CADM2: variants seen among roughly 807,000 people sequenced by gnomAD.
CADM2 encodes immunoglobulin superfamily member 4D.
CADM2 carries 12 observed loss-of-function variants against 49.8 expected under a neutral mutation model. The observed-to-expected ratio is 0.24, with a 90% CI of 0.15 to 0.39. CADM2 has a LOEUF of 0.39. Among genes scored for constraint, CADM2 ranks in the 10% least tolerant of loss-of-function variants. CADM2 has a pLI of 1.00. For synonymous variants in CADM2, 214 were observed against 175.4 expected (o/e 1.22, Z -1.74); for missense variants, 378 against 492.3 (o/e 0.77, Z 2.20).
intron 1 of CADM2, among the ~76,000 whole-genome samples, chr3:85,428,317 A>G (rs2036506361): frequency 6.8e-6 from 1 of 147,036 alleles, no homozygotes; most frequent in Non-Finnish European, 1.5e-5. Context: ...AATTGAATAT[A>G]TATGATATAT....
chr3:85,348,232 G>T (rs998889887), intron 1 of CADM2, among the ~76,000 whole-genome samples: 7 of 152,278 alleles, frequency 4.6e-5, no homozygotes, highest in African/African-American at 1.4e-4. Context: ...CAGGTGGGAA[G>T]AATTCTCTCT....
At chr3:85,291,904 C>A (rs1302397728) in intron 1 of CADM2, among the ~76,000 whole-genome samples, 4 of 151,146 alleles carry the variant, frequency 2.6e-5, no homozygotes, top group Non-Finnish European at 5.9e-5. Context: ...AACCAGCTAA[C>A]ATCATAATGA....
intron 1 of CADM2, among the ~76,000 whole-genome samples, chr3:85,565,798 A>C (rs1307939103): frequency 3.3e-5 from 5 of 152,098 alleles, no homozygotes; most frequent in Non-Finnish European, 7.4e-5. Flanking sequence ...GTAGTACAGA[A>C]AATTAAATGT....
chr3:86,026,297 A>G (rs1277620974), intron 8 of CADM2, among the ~76,000 whole-genome samples: 1 of 152,034 alleles, frequency 6.6e-6, no homozygotes. Context: ...AGAGAGTGTC[A>G]GTGTGAGTCA....
intron 5 of CADM2, among the ~76,000 whole-genome samples, chr3:85,900,843 CT>C (rs1281880737): frequency 6.6e-6 from 1 of 152,050 alleles, no homozygotes; most frequent in Non-Finnish European, 1.5e-5. Flanking sequence ...AGGAAAATAC[CT>C]TTTTCATTCT....
intron 7 of CADM2, among the ~76,000 whole-genome samples, chr3:85,952,789 T>G (rs1364693044): frequency 6.6e-6 from 1 of 150,846 alleles, no homozygotes; most frequent in Admixed American, 6.6e-5. Context: ...TTCTCTCCCT[T>G]ATGTAGGAAC....
chr3:85,998,144 G>T (rs921366781), intron 8 of CADM2, among the ~76,000 whole-genome samples: 2 of 152,022 alleles, frequency 1.3e-5, no homozygotes, highest in Non-Finnish European at 1.5e-5. Context: ...TAAAATGCTG[G>T]GGTAGCAGGG....
intron 1 of CADM2, among the ~76,000 whole-genome samples, chr3:85,085,828 C>T (rs1391576755): frequency 2.0e-5 from 3 of 152,132 alleles, no homozygotes; most frequent in Non-Finnish European, 4.4e-5. Context: ...TTCTAATTCT[C>T]TCTTATGCCT....
chr3:85,475,971 T>C (rs1460337719), intron 1 of CADM2, among the ~76,000 whole-genome samples: 4 of 151,838 alleles, frequency 2.6e-5, no homozygotes, highest in African/African-American at 9.7e-5. Flanking sequence ...TAAAAAGAAA[T>C]AAAAACATTG....
At chr3:85,336,601 TA>T (rs2045084631) in intron 1 of CADM2, among the ~76,000 whole-genome samples, 1 of 151,116 alleles carries the variant, frequency 6.6e-6, no homozygotes, top group Non-Finnish European at 1.5e-5. Flanking sequence ...CAATTTGGAC[TA>T]ATAGTCAACT....
chr3:85,982,143 C>G (rs545304497), intron 8 of CADM2, among the ~76,000 whole-genome samples: 5 of 151,698 alleles, frequency 3.3e-5, no homozygotes, highest in African/African-American at 7.2e-5. Flanking sequence ...GTTAGCCACA[C>G]ACATGTCTGC....
At chr3:85,043,697 A>G (rs1040460511) in intron 1 of CADM2, among the ~76,000 whole-genome samples, 26 of 151,906 alleles carry the variant, frequency 1.7e-4, no homozygotes, top group Admixed American at 2.6e-4. Flanking sequence ...TAAATAAATA[A>G]AAGGTCTGAC....
intron 1 of CADM2, among the ~76,000 whole-genome samples, chr3:85,375,585 C>T (rs2033547636): frequency 1.3e-5 from 2 of 152,150 alleles, no homozygotes; most frequent in South Asian, 4.1e-4. Context: ...AAGACAAATT[C>T]ACTGTCTTCC....
intron 1 of CADM2, among the ~76,000 whole-genome samples, chr3:85,549,193 T>TA (rs2107102439): frequency 6.6e-6 from 1 of 152,208 alleles, no homozygotes; most frequent in South Asian, 2.1e-4. Context: ...TATTTTCTGA[T>TA]ACGAAAATCA....
intron 8 of CADM2, chr3:85,979,092 A>G: frequency 1.3e-6 from 2 of 1,526,702 alleles, no homozygotes; most frequent in South Asian, 2.3e-5. Flanking sequence ...ATGTATTTAT[A>G]ATTTGAATCA....
intron 1 of CADM2, among the ~76,000 whole-genome samples, chr3:85,356,080 T>C (rs937295767): frequency 1.3e-5 from 2 of 152,092 alleles, no homozygotes; most frequent in African/African-American, 4.8e-5. Context: ...AATAAAATGC[T>C]TTTTCAGTCA....
chr3:86,029,160 G>A (rs1261259492), intron 8 of CADM2, among the ~76,000 whole-genome samples: 1 of 152,148 alleles, frequency 6.6e-6, no homozygotes, highest in East Asian at 1.9e-4. Flanking sequence ...ATGCCAGGCT[G>A]AGAAGTGACA....
At chr3:85,585,201 G>A (rs1021360813) in intron 1 of CADM2, among the ~76,000 whole-genome samples, 23 of 151,890 alleles carry the variant, frequency 1.5e-4, no homozygotes, top group Admixed American at 1.2e-3. Context: ...TCACTCAGTA[G>A]CTGTCTTGTT....
At chr3:86,061,986 T>TGGG (rs11456162) in intron 8 of CADM2, among the ~76,000 whole-genome samples, 134 of 133,054 alleles carry the variant, frequency 1.0e-3, no homozygotes, top group Middle Eastern at 7.8e-3. Context: ...CTGTTGATGG[T>TGGG]GGGGGGGGGG....
Sources: gnomAD v4.1 joint callset for allele counts (sites outside exome capture counted in the v4.1 genomes callset) on GRCh38, gnomAD v4.1.1 for gene constraint, MANE v1.5 for transcripts, NCBI Gene and HGNC (gene_info 2026-07-23, HGNC 2026-07-21) for gene names.